Variants in VOPP1 observed in about 807,000 individuals in gnomAD.
VOPP1 encodes the protein VOPP1 WW domain binding protein.
VOPP1 carries 8 observed loss-of-function variants against 23.5 expected under a neutral mutation model. The observed-to-expected ratio is 0.34, with a 90% CI of 0.20 to 0.61. The LOEUF is 0.61. Among genes scored for constraint, VOPP1 ranks in the 20% least tolerant of loss-of-function variants. The pLI, the probability that VOPP1 is intolerant of heterozygous loss-of-function variation, is 0.78. For missense variants in VOPP1, 174 were observed against 238.1 expected, an observed-to-expected ratio of 0.73 and a Z score of 1.77; for synonymous variants, 83 against 97.3, an observed-to-expected ratio of 0.85 and a Z score of 0.86.
intron 4 of VOPP1, among the ~76,000 whole-genome samples, chr7:55,480,737 G>T (rs1277870730): frequency 6.6e-6 from 1 of 152,106 alleles, no homozygotes; most frequent in Non-Finnish European, 1.5e-5. Flanking sequence ...TCTAAAAATT[G>T]GCTGAACATG....
At chr7:55,556,858 T>C (rs1415056822) in intron 1 of VOPP1, among the ~76,000 whole-genome samples, 1 of 152,176 alleles carries the variant, frequency 6.6e-6, no homozygotes, top group Non-Finnish European at 1.5e-5. Flanking sequence ...CTGCTTCGCT[T>C]AGACCAGGTG....
intron 1 of VOPP1, among the ~76,000 whole-genome samples, chr7:55,569,419 C>T (rs947809948): frequency 6.6e-6 from 1 of 152,210 alleles, no homozygotes; most frequent in African/African-American, 2.4e-5. Context: ...CCAGGGCCAC[C>T]ACTGCCCTCG....
chr7:55,561,948 G>A (rs1446666525), intron 1 of VOPP1: 1 of 703,184 alleles, frequency 1.4e-6, no homozygotes, highest in African/African-American at 1.7e-5. Context: ...TGGGAAAACA[G>A]GAAGTGAAAG....
rs779097426 is a variant in VOPP1 at position 55,497,567 on chromosome 7, G to A, written c.191+46C>T. 457 of 1,342,918 alleles carry A rather than the reference G, an allele frequency of 3.4e-4. 12 individuals are homozygous for A. Among genetic ancestry groups the A allele is most frequent in the Middle Eastern group, 2.1e-4 (1 of 4,664 alleles). The allele number at this position is 1,342,918 out of a possible 1,614,324, so 83.2% of individuals were successfully genotyped here. On this transcript the variant is annotated intron_variant, in intron 3 of 4. Transcript: ENST00000285279. ...TGACAACACTGATGGGGGGGGGGGGGGGGCAGAGCTCTCGGGGTAGGGAAC... is the reference window on the plus strand; with the variant it reads ...TGACAACACTGATGGGGGGGGGGGGAGGGCAGAGCTCTCGGGGTAGGGAAC...
chr7:55,478,256 C>A (rs548870224), intron 4 of VOPP1, among the ~76,000 whole-genome samples: 10 of 152,292 alleles, frequency 6.6e-5, no homozygotes, highest in Admixed American at 3.3e-4. Context: ...GAATCAAAAG[C>A]ACCTTAAAGT....
chr7:55,480,712 G>C (rs1220802799), intron 4 of VOPP1, among the ~76,000 whole-genome samples: 2 of 148,618 alleles, frequency 1.3e-5, no homozygotes, highest in Non-Finnish European at 3.0e-5. Flanking sequence ...ATAAAGCTAT[G>C]AATCTATTAA....
At chr7:55,484,556 G>T (rs369052677) in intron 4 of VOPP1, among the ~76,000 whole-genome samples, 1 of 152,268 alleles carries the variant, frequency 6.6e-6, no homozygotes, top group East Asian at 1.9e-4. Context: ...TTATTCGCAC[G>T]GGGTGAGCTT....
intron 1 of VOPP1, among the ~76,000 whole-genome samples, chr7:55,562,389 T>C (rs1008543765): frequency 6.6e-6 from 1 of 152,222 alleles, no homozygotes; most frequent in African/African-American, 2.4e-5. Flanking sequence ...GATGTGCTGG[T>C]CCAGAACTAA....
At position 55,505,647 on chromosome 7, in the gene VOPP1, A is replaced by AAGGAAGGG. The variant is rs1171612585; in HGVS notation, c.114-7965_114-7958dup. ...GAAGGAAAGAAGGAAAAAAGGAAGG[A>AAGGAAGGG]AGGAAGGGAGGGAGGGAGGGAGGGA... is the stretch of plus-strand genomic sequence containing the variant. On this transcript the variant is annotated intron_variant, in intron 2 of 4. Transcript: ENST00000285279. Among the ~76,000 whole-genome samples, 251 of 105,588 alleles carry AAGGAAGGG rather than the reference A, an allele frequency of 2.4e-3. 6 individuals carry two copies. The highest frequency in any genetic ancestry group is 9.4e-3 in the African/African-American group (236 of 25,016). The allele number at this position is 105,588 out of a possible 152,430, so 69.3% of individuals were successfully genotyped here.
At position 55,494,092 on chromosome 7, in the gene VOPP1, C is replaced by A. The variant is rs530326806; in HGVS notation, c.192-1674G>T. Among the ~76,000 whole-genome samples the A allele has an allele frequency of 2.6e-5, 4 of 152,226 alleles. No homozygotes were observed. The South Asian group carries it at 6.2e-4, about 24-fold the overall frequency. On this transcript the variant is annotated intron_variant, in intron 3 of 4. Coordinates refer to ENST00000285279, the MANE Select transcript of VOPP1 (RefSeq NM_030796.5). ...GCAGGAGGCCTGGAGGCTCAGTCCC[C>A]ATGATGGGCGGAGGGAGCGGCCATG...
chr7:55,566,737 T>C (rs186257224), intron 1 of VOPP1, among the ~76,000 whole-genome samples: 2 of 152,356 alleles, frequency 1.3e-5, no homozygotes, highest in Admixed American at 1.3e-4. Flanking sequence ...AAGTGGCCTT[T>C]TTCTAGGACC....
intron 4 of VOPP1, among the ~76,000 whole-genome samples, chr7:55,482,482 A>ATTTTTTTTTTTTTTTTTTTT (rs71031859): frequency 7.5e-6 from 1 of 132,832 alleles, no homozygotes. Flanking sequence ...CACCTGGCTA[A>ATTTTTTTTTTTTTTTTTTTT]TTTTTTTTTT....
downstream of VOPP1, among the ~76,000 whole-genome samples, chr7:55,465,931 G>A (rs1791620256): frequency 6.6e-6 from 1 of 152,158 alleles, no homozygotes; most frequent in African/African-American, 2.4e-5. Context: ...GAATGTCTGT[G>A]TCCCCCCAAA....
chr7:55,560,363 T>C (rs567530384), intron 1 of VOPP1, among the ~76,000 whole-genome samples: 7 of 152,258 alleles, frequency 4.6e-5, no homozygotes, highest in African/African-American at 1.7e-4. Flanking sequence ...GATCTTACAA[T>C]GAGGAGATTA....
At chr7:55,529,082 A>T (rs566645804) in intron 1 of VOPP1, among the ~76,000 whole-genome samples, 10 of 152,210 alleles carry the variant, frequency 6.6e-5, no homozygotes, top group African/African-American at 2.4e-4. Context: ...CAAGGGACAC[A>T]TAAGAGTCCT....
At chr7:55,560,014 A>G (rs1797932929) in intron 1 of VOPP1, among the ~76,000 whole-genome samples, 1 of 152,122 alleles carries the variant, frequency 6.6e-6, no homozygotes, top group Non-Finnish European at 1.5e-5. Flanking sequence ...TTAGCTGGGG[A>G]TGGTGGCGCA....
At chr7:55,522,806 G>A (rs1468696190) in intron 1 of VOPP1, among the ~76,000 whole-genome samples, 1 of 152,224 alleles carries the variant, frequency 6.6e-6, no homozygotes, top group Non-Finnish European at 1.5e-5. Context: ...ATAAGGACAG[G>A]CTCTGGCCTC....
At chr7:55,462,152 A>C (rs1336643811) in intron 4 of VOPP1, among the ~76,000 whole-genome samples, 1 of 152,138 alleles carries the variant, frequency 6.6e-6, no homozygotes, top group African/African-American at 2.4e-5. Context: ...TAGCACTTTT[A>C]ATGTATTATC....
intron 4 of VOPP1, among the ~76,000 whole-genome samples, chr7:55,474,037 T>C (rs924584597): frequency 4.6e-5 from 7 of 152,228 alleles, no homozygotes; most frequent in African/African-American, 1.7e-4. Flanking sequence ...AATCTGCGCA[T>C]GTGCGGAAGG....
Sources: allele counts gnomAD v4.1 joint callset (sites outside exome capture counted in the v4.1 genomes callset), GRCh38; gene constraint gnomAD v4.1.1; transcripts MANE v1.5; gene names NCBI Gene and HGNC (gene_info 2026-07-23, HGNC 2026-07-21).